The following FOCAD variants were observed in gnomAD, a reference collection of about 807,000 sequenced individuals.
FOCAD encodes focadhesin, also known as KIAA1797.
Under a neutral mutation model 225.6 loss-of-function variants are expected in FOCAD, and 198 were observed. The ratio of observed to expected loss-of-function variants is 0.88; its 90% confidence interval spans 0.78 to 0.99. The LOEUF (loss-of-function observed/expected upper bound fraction) is 0.99, where lower values mean the gene tolerates loss of function less well. Ranked by LOEUF, FOCAD falls within the 50% of genes least tolerant of loss-of-function variation. The pLI is 0.00. For missense variants in FOCAD, 2,713 were observed against 2,123.6 expected, an observed-to-expected ratio of 1.28 and a Z score of -5.46; for synonymous variants, 897 against 755.0, an observed-to-expected ratio of 1.19 and a Z score of -3.08.
intron 11 of FOCAD, among the ~76,000 whole-genome samples, chr9:20,794,116 A>G (rs1310096853): frequency 6.6e-6 from 1 of 152,224 alleles, no homozygotes; most frequent in African/African-American, 2.4e-5. Context: ...GCCTTGATTT[A>G]TAAATATAAA....
At chr9:20,906,919 G>C (rs2044413144) in intron 21 of FOCAD, among the ~76,000 whole-genome samples, 1 of 151,902 alleles carries the variant, frequency 6.6e-6, no homozygotes, top group South Asian at 2.1e-4. Context: ...GATTTTATTT[G>C]CTTCAATTTA....
intron 18 of FOCAD, 180 bp from the exon 19 acceptor site, chr9:20,874,501 C>T: frequency 1.7e-6 from 1 of 573,638 alleles, no homozygotes. Context: ...GAGTCATGAC[C>T]ATTTAGTTAA....
intron 1 of FOCAD, among the ~76,000 whole-genome samples, chr9:20,710,827 G>T (rs1019704595): frequency 6.6e-6 from 1 of 152,088 alleles, no homozygotes; most frequent in African/African-American, 2.4e-5. Flanking sequence ...GGAGCACAGG[G>T]CCAAATTTGA....
At chr9:20,955,390 A>C (rs901532809) in intron 35 of FOCAD, among the ~76,000 whole-genome samples, 1 of 152,174 alleles carries the variant, frequency 6.6e-6, no homozygotes, top group Non-Finnish European at 1.5e-5. Context: ...TTTAGTACTC[A>C]TGTGATAGAA....
At chr9:20,942,340 T>C (rs927723882) in intron 28 of FOCAD, among the ~76,000 whole-genome samples, 2 of 152,156 alleles carry the variant, frequency 1.3e-5, no homozygotes, top group African/African-American at 4.8e-5. Context: ...GATAGAGATA[T>C]TTATGTGCCC....
intron 1 of FOCAD, among the ~76,000 whole-genome samples, chr9:20,699,499 T>TG (rs1346973043): frequency 6.6e-6 from 1 of 151,522 alleles, no homozygotes; most frequent in Admixed American, 6.6e-5. Flanking sequence ...CCCAGCACTT[T>TG]GGGAGGCCCA....
At chr9:20,856,721 C>G (rs143024296) in intron 15 of FOCAD, among the ~76,000 whole-genome samples, 248 of 151,938 alleles carry the variant, frequency 1.6e-3, no homozygotes, top group African/African-American at 5.8e-3. Flanking sequence ...TTCATCCTTT[C>G]AGGTGTTAGA....
chr9:20,872,088 C>G (rs962923916), intron 18 of FOCAD, among the ~76,000 whole-genome samples: 1 of 151,942 alleles, frequency 6.6e-6, no homozygotes, highest in Admixed American at 6.6e-5. Context: ...AGTATATAAT[C>G]TATTCTTAAA....
intron 24 of FOCAD, among the ~76,000 whole-genome samples, chr9:20,918,050 T>G (rs1436461368): frequency 6.6e-6 from 1 of 152,236 alleles, no homozygotes; most frequent in African/African-American, 2.4e-5. Context: ...TTTCCCACTT[T>G]GGTGAATTGC....
intron 43 of FOCAD, 149 bp from the exon 44 acceptor site, chr9:20,995,407 T>A: frequency 2.2e-6 from 1 of 458,166 alleles, no homozygotes; most frequent in Non-Finnish European, 3.9e-6. Flanking sequence ...TATAAATGGT[T>A]TTCTGCCATT....
intron 8 of FOCAD, among the ~76,000 whole-genome samples, chr9:20,777,370 T>G (rs1040636901): frequency 2.0e-5 from 3 of 150,846 alleles, no homozygotes; most frequent in African/African-American, 7.3e-5. Flanking sequence ...CAGGCACTTC[T>G]GTAAACTTCA....
intron 18 of FOCAD, among the ~76,000 whole-genome samples, chr9:20,873,104 T>A (rs1334857822): frequency 6.6e-6 from 1 of 152,204 alleles, no homozygotes; most frequent in Non-Finnish European, 1.5e-5. Context: ...GTTTTGAGGC[T>A]ATTATAAATA....
intron 4 of FOCAD, among the ~76,000 whole-genome samples, chr9:20,721,726 A>G (rs2131551112): frequency 6.6e-6 from 1 of 152,184 alleles, no homozygotes; most frequent in South Asian, 2.1e-4. Context: ...AAATTTGTGG[A>G]AAGATTCCTG....
intron 14 of FOCAD, 79 bp downstream of exon 14, chr9:20,821,150 C>A: frequency 2.2e-6 from 3 of 1,393,080 alleles, no homozygotes; most frequent in South Asian, 1.4e-5. Context: ...AAGCAAGAGG[C>A]AAGAAAAGAT....
chr9:20,795,584 G>T (rs571856569), intron 11 of FOCAD, among the ~76,000 whole-genome samples: 6 of 151,892 alleles, frequency 4.0e-5, no homozygotes, highest in African/African-American at 1.5e-4. Context: ...AGGAGATTGA[G>T]ACCATCCTGG....
At chr9:20,774,800 C>T (rs575154650) in intron 8 of FOCAD, among the ~76,000 whole-genome samples, 1 of 152,144 alleles carries the variant, frequency 6.6e-6, no homozygotes, top group Admixed American at 6.5e-5. Flanking sequence ...AGGGAAGGTC[C>T]TATTTATGTC....
At chr9:20,713,749 T>C (rs749825455) in intron 1 of FOCAD, among the ~76,000 whole-genome samples, 1 of 152,234 alleles carries the variant, frequency 6.6e-6, no homozygotes, top group Non-Finnish European at 1.5e-5. Context: ...TATGTCCGCA[T>C]AGAATCTTTC....
At chr9:20,770,315 T>C in intron 8 of FOCAD, 77 bp downstream of exon 8, 1 of 1,340,528 alleles carries the variant, frequency 7.5e-7, no homozygotes, top group Non-Finnish European at 1.0e-6. Flanking sequence ...TATAAAGAAA[T>C]GAGGTTTAAT....
intron 21 of FOCAD, among the ~76,000 whole-genome samples, chr9:20,888,291 A>G (rs1158142073): frequency 6.6e-6 from 1 of 151,570 alleles, no homozygotes; most frequent in African/African-American, 2.4e-5. Context: ...GGTGTGCACC[A>G]CCATGCCCGG....
Sources: gnomAD v4.1 joint callset for allele counts (sites outside exome capture counted in the v4.1 genomes callset) on GRCh38, gnomAD v4.1.1 for gene constraint, MANE v1.5 for transcripts, NCBI Gene and HGNC (gene_info 2026-07-23, HGNC 2026-07-21) for gene names.